The following TXNL4A variants were observed in gnomAD, a reference collection of about 807,000 sequenced individuals.
TXNL4A encodes the protein thioredoxin like 4A.
TXNL4A carries 17 observed loss-of-function variants against 14.6 expected under a neutral mutation model. That is an observed-to-expected ratio of 1.16 (90% CI 0.80 to 1.74). The LOEUF is 1.74. Among genes scored for constraint, TXNL4A ranks in the 40% most tolerant of loss-of-function variants. The probability of loss-of-function intolerance (pLI) is 0.00; values close to 1 mark genes in which losing one functional copy is unlikely to be tolerated. For missense variants in TXNL4A, 74 were observed against 195.2 expected (o/e 0.38, Z 3.70); for synonymous variants, 83 against 70.6 (o/e 1.18, Z -0.88).
chr18:79,995,961 G>C (rs954694800), intron 1 of TXNL4A, among the ~76,000 whole-genome samples: 11 of 151,914 alleles, frequency 7.2e-5, no homozygotes, highest in African/African-American at 2.4e-4. Context: ...AAAATTAGCC[G>C]GGCATGGTGG....
At chr18:80,010,970 C>A (rs1281537545) in intron 1 of TXNL4A, among the ~76,000 whole-genome samples, 2 of 149,416 alleles carry the variant, frequency 1.3e-5, no homozygotes, top group East Asian at 3.9e-4. Context: ...TTTTTTTTTT[C>A]TTTGGCTACT....
chr18:79,989,249 G>A (rs545232102), upstream of TXNL4A, among the ~76,000 whole-genome samples: 1 of 152,220 alleles, frequency 6.6e-6, no homozygotes, highest in South Asian at 2.1e-4. Context: ...CCATAAGCTG[G>A]GACTACAAGG....
At position 79,988,188 on chromosome 18, in the gene TXNL4A, C is replaced by T; in HGVS notation, c.153+52G>A. On this transcript the variant is annotated intron_variant, in intron 1 of 2. Coordinates refer to ENST00000269601, the MANE Select transcript of TXNL4A (RefSeq NM_006701.5). ...AGGCGACGCCGGCAGGGCAGAGGCG[C>T]GGGGCAGATGCGGAAGCACAGCCCG... 3.5e-6 allele frequency: 5 copies of T among 1,431,004 alleles called. No homozygotes were observed. The South Asian group carries it at 6.0e-5, about 17-fold the overall frequency. 88.6% of individuals were successfully genotyped at this position (1,431,004 alleles called of 1,614,324 possible).
chr18:80,031,897 T>C (rs1171400288), intron 1 of TXNL4A, among the ~76,000 whole-genome samples: 2 of 152,264 alleles, frequency 1.3e-5, no homozygotes, highest in East Asian at 1.9e-4. Flanking sequence ...GGGAACTTGG[T>C]GGCACAAGCT....
At chr18:80,007,105 C>G (rs572026039) in intron 1 of TXNL4A, among the ~76,000 whole-genome samples, 15 of 152,304 alleles carry the variant, frequency 9.8e-5, no homozygotes, top group African/African-American at 3.6e-4. Context: ...CTCAATTTTA[C>G]AAGCTGCTCT....
intron 1 of TXNL4A, among the ~76,000 whole-genome samples, chr18:79,995,887 G>A (rs993840150): frequency 2.0e-5 from 3 of 152,174 alleles, no homozygotes; most frequent in African/African-American, 7.2e-5. Flanking sequence ...CAGATCATGA[G>A]GTCAGGAGAT....
At chr18:79,996,859 CT>C (rs1483897224) in intron 1 of TXNL4A, among the ~76,000 whole-genome samples, 3 of 152,216 alleles carry the variant, frequency 2.0e-5, no homozygotes, top group Non-Finnish European at 4.4e-5. Context: ...AGGAAAATCA[CT>C]TGAACCCAGG....
intron 1 of TXNL4A, among the ~76,000 whole-genome samples, chr18:79,995,703 G>C (rs1335492484): frequency 6.6e-6 from 1 of 152,180 alleles, no homozygotes; most frequent in Non-Finnish European, 1.5e-5. Flanking sequence ...CCCAAGTTAT[G>C]CGTTTACAGT....
intron 1 of TXNL4A, among the ~76,000 whole-genome samples, chr18:80,029,441 T>C (rs1250055039): frequency 1.3e-5 from 2 of 152,206 alleles, no homozygotes; most frequent in Admixed American, 6.5e-5. Context: ...TGTTTTCTCA[T>C]TGGGTTAAAG....
At chr18:79,998,402 G>A (rs961416537) in intron 1 of TXNL4A, among the ~76,000 whole-genome samples, 1 of 152,142 alleles carries the variant, frequency 6.6e-6, no homozygotes, top group African/African-American at 2.4e-5. Context: ...GGAGTCCTGA[G>A]GGACAATCAG....
At position 79,988,250 on chromosome 18, in the gene TXNL4A, A is replaced by G; in HGVS notation, c.143T>C (p.Ile48Thr). The G allele has an allele frequency of 6.4e-7, 1 of 1,571,764 alleles. No homozygotes were observed. The highest frequency in any genetic ancestry group is 8.7e-7 in the Non-Finnish European group (1 of 1,149,054). The change falls in exon 1 of 3, where the codon ATC becomes ACC. Residue 48 changes from isoleucine to threonine, a missense_variant. Transcript: ENST00000269601. ...AGTCCGGCGCGCTACCTTCTCGGCG[A>G]TGCTGTACAGGACCTCGTCCATCTT... The part of the protein sequence containing the change: ...CMKMDEVLYS[I>T]AEKVKNFAVI...
At chr18:80,025,390 A>T (rs955062659) in intron 1 of TXNL4A, among the ~76,000 whole-genome samples, 10 of 152,218 alleles carry the variant, frequency 6.6e-5, no homozygotes, top group Non-Finnish European at 1.3e-4. Context: ...CCCAGACCAG[A>T]TCTGTCCCAC....
rs981643729 is a variant in TXNL4A, at chr18:79,975,539, G to A, written c.258-1683C>T. On this transcript the variant is annotated intron_variant, in intron 2 of 2. Coordinates refer to ENST00000269601, the MANE Select transcript of TXNL4A (RefSeq NM_006701.5). The stretch of plus-strand genomic sequence containing the variant: ...TGGCCTCCACTGCACGCTGTGGGGG[G>A]CAGAGACCTAAGACGGCCCTCCCTG... Among the ~76,000 whole-genome samples, 8 of 152,354 alleles carry A rather than the reference G, an allele frequency of 5.3e-5. No individual in the cohort carries two copies. In the East Asian group the frequency reaches 1.5e-3, roughly 29 times the overall value.
intron 1 of TXNL4A, among the ~76,000 whole-genome samples, chr18:80,026,943 C>A (rs1028769082): frequency 2.0e-5 from 3 of 152,026 alleles, no homozygotes; most frequent in Non-Finnish European, 4.4e-5. Context: ...ATCTTGTGAC[C>A]AGGAAAATGA....
chr18:79,988,086 C>A (rs775869186), intron 1 of TXNL4A, among the ~76,000 whole-genome samples, 154 bp downstream of exon 1: 19 of 152,282 alleles, frequency 1.2e-4, no homozygotes, highest in Non-Finnish European at 2.5e-4. Flanking sequence ...TCCCCGAGAG[C>A]GCTCGACCGC....
chr18:80,027,403 C>A (rs967376345), intron 1 of TXNL4A, among the ~76,000 whole-genome samples: 3 of 152,096 alleles, frequency 2.0e-5, no homozygotes, highest in African/African-American at 7.2e-5. Context: ...AATACCCAGA[C>A]ACCCAATAGT....
chr18:79,977,991 T>G, intron 1 of TXNL4A: 1 of 342,122 alleles, frequency 2.9e-6, no homozygotes, highest in Non-Finnish European at 5.4e-6. Context: ...TTCAAACTAA[T>G]TCTTCAACAT....
At chr18:80,027,283 C>T (rs1489523149) in intron 1 of TXNL4A, among the ~76,000 whole-genome samples, 1 of 152,024 alleles carries the variant, frequency 6.6e-6, no homozygotes, top group African/African-American at 2.4e-5. Flanking sequence ...ATTCCCTGCA[C>T]AAGCCCCTGC....
intron 1 of TXNL4A, among the ~76,000 whole-genome samples, chr18:80,031,174 A>T (rs1489523378): frequency 1.3e-5 from 2 of 152,178 alleles, no homozygotes; most frequent in Non-Finnish European, 2.9e-5. Flanking sequence ...CGTTTGGCCA[A>T]CTCAGTCAAA....
Sources: allele counts gnomAD v4.1 joint callset (sites outside exome capture counted in the v4.1 genomes callset), GRCh38; gene constraint gnomAD v4.1.1; transcripts MANE v1.5; gene names NCBI Gene and HGNC (gene_info 2026-07-23, HGNC 2026-07-21).